SNX29: variants seen among roughly 807,000 people sequenced by gnomAD.
The protein encoded by SNX29 is sorting nexin-29.
A neutral mutation model predicts 102.1 loss-of-function variants in SNX29; 78 were observed. The ratio of observed to expected loss-of-function variants is 0.76; its 90% CI spans 0.64 to 0.92. SNX29 has a LOEUF of 0.92. Ranked by LOEUF, SNX29 falls within the 40% of genes least tolerant of loss-of-function variation. SNX29 has a pLI of 0.00. For missense variants in SNX29, 1,280 were observed against 1,061.7 expected, an observed-to-expected ratio of 1.21 and a Z score of -2.86; for synonymous variants, 580 against 414.5, an observed-to-expected ratio of 1.40 and a Z score of -4.85.
At chr16:12,069,379 C>T (rs2051187493) in intron 10 of SNX29, among the ~76,000 whole-genome samples, 1 of 151,844 alleles carries the variant, frequency 6.6e-6, no homozygotes, top group Admixed American at 6.6e-5. Flanking sequence ...GATTCTCTTG[C>T]CTGAGCCTCC....
chr16:12,565,445 C>T (rs543290591), intron 20 of SNX29, among the ~76,000 whole-genome samples: 44 of 152,266 alleles, frequency 2.9e-4, no homozygotes, highest in African/African-American at 4.8e-4. Flanking sequence ...CTCACCTGCC[C>T]CCTCCTCATC....
At chr16:12,258,907 G>A (rs375059909) in intron 14 of SNX29, among the ~76,000 whole-genome samples, 4 of 152,092 alleles carry the variant, frequency 2.6e-5, no homozygotes, top group East Asian at 1.9e-4. Context: ...AGTCTCTGTC[G>A]GAGGAGGACT....
intron 14 of SNX29, among the ~76,000 whole-genome samples, chr16:12,206,259 G>T (rs1379853270): frequency 6.6e-6 from 1 of 152,018 alleles, no homozygotes; most frequent in Non-Finnish European, 1.5e-5. Flanking sequence ...TGCCTTCAGG[G>T]ATGGTTTGAT....
intron 13 of SNX29, among the ~76,000 whole-genome samples, chr16:12,163,009 G>T (rs768500977): frequency 6.6e-6 from 1 of 152,166 alleles, no homozygotes; most frequent in Non-Finnish European, 1.5e-5. Flanking sequence ...AGCCTCCCAA[G>T]TAGCTGGGGC....
rs184769020 is a variant in SNX29 at position 12,574,045 on chromosome 16, G to C, written c.*5416G>C. Reference sequence around the variant, plus strand: ...CCACATATCTAGAGTCTGATAGTCTGTGTGTACATAAGGTCTAGAAGTCTG... The same window carrying C: ...CCACATATCTAGAGTCTGATAGTCTCTGTGTACATAAGGTCTAGAAGTCTG... On this transcript the variant is annotated 3_prime_UTR_variant, in exon 21 of 21. Transcript: ENST00000566228. The C allele has an allele frequency of 1.6e-3, 305 of 195,492 alleles. 3 individuals are homozygous for C. The highest frequency in any genetic ancestry group is 1.4e-3 in the Admixed American group (23 of 16,440). 12.1% of individuals were successfully genotyped at this position (195,492 alleles called of 1,614,324 possible). A position where few individuals can be genotyped will look rare whatever the true frequency, so the allele number is the denominator to read the frequency against.
chr16:12,364,416 C>CTTCTTTTTTTTTTTT (rs1555520124), intron 16 of SNX29, among the ~76,000 whole-genome samples: 9 of 98,796 alleles, frequency 9.1e-5, no homozygotes, highest in African/African-American at 3.0e-4. Context: ...CTCTCTTCTT[C>CTTCTTTTTTTTTTTT]TTTTTTTTTT....
intron 13 of SNX29, among the ~76,000 whole-genome samples, chr16:12,141,829 C>T (rs777363902): frequency 1.1e-4 from 17 of 152,180 alleles, no homozygotes; most frequent in Non-Finnish European, 1.9e-4. Flanking sequence ...CCTGTTTTAT[C>T]GTCATGGTCT....
At chr16:12,158,096 T>A (rs1426648633) in intron 13 of SNX29, among the ~76,000 whole-genome samples, 1 of 152,042 alleles carries the variant, frequency 6.6e-6, no homozygotes, top group Non-Finnish European at 1.5e-5. Context: ...TTTTTTTTTT[T>A]AGAGACAGTT....
intron 18 of SNX29, among the ~76,000 whole-genome samples, chr16:12,426,262 G>T (rs943467825): frequency 2.0e-5 from 3 of 152,148 alleles, no homozygotes; most frequent in Non-Finnish European, 2.9e-5. Context: ...GCTGTGGCCT[G>T]TGCTCACGCT....
intron 1 of SNX29, among the ~76,000 whole-genome samples, chr16:11,979,827 A>C (rs1356522892): frequency 1.3e-5 from 2 of 151,756 alleles, no homozygotes; most frequent in Non-Finnish European, 2.9e-5. Flanking sequence ...CATGTGATCC[A>C]CTTGTGAACT....
chr16:12,267,020 C>T (rs1477274910), intron 14 of SNX29, among the ~76,000 whole-genome samples: 2 of 152,200 alleles, frequency 1.3e-5, no homozygotes, highest in Admixed American at 6.5e-5. Flanking sequence ...GCCTCAGCCT[C>T]CCAAAGTGCT....
chr16:12,567,858 C>T (rs960162766), intron 20 of SNX29, among the ~76,000 whole-genome samples: 2 of 152,166 alleles, frequency 1.3e-5, no homozygotes, highest in African/African-American at 2.4e-5. Flanking sequence ...CTACCCTATC[C>T]CCTAAAAAAT....
intron 18 of SNX29, among the ~76,000 whole-genome samples, chr16:12,451,032 A>G (rs931395623): frequency 2.6e-5 from 4 of 152,146 alleles, no homozygotes; most frequent in African/African-American, 9.7e-5. Flanking sequence ...TCTGCACAGA[A>G]TATGCACCTT....
chr16:12,329,753 G>A (rs1047145066), intron 15 of SNX29, among the ~76,000 whole-genome samples: 2 of 152,232 alleles, frequency 1.3e-5, no homozygotes, highest in Non-Finnish European at 2.9e-5. Context: ...TTGAGGTGTT[G>A]GCACACATGC....
intron 14 of SNX29, among the ~76,000 whole-genome samples, chr16:12,271,014 G>C (rs1015709388): frequency 2.6e-5 from 4 of 152,238 alleles, no homozygotes; most frequent in African/African-American, 7.2e-5. Flanking sequence ...CTGCACTCCA[G>C]CCTGGGTAAC....
At chr16:12,222,129 T>C (rs958796048) in intron 14 of SNX29, among the ~76,000 whole-genome samples, 1 of 152,254 alleles carries the variant, frequency 6.6e-6, no homozygotes, top group African/African-American at 2.4e-5. Flanking sequence ...GTAGGTGCTA[T>C]TACGATCTTC....
intron 14 of SNX29, among the ~76,000 whole-genome samples, chr16:12,242,404 A>G (rs969289219): frequency 4.8e-5 from 7 of 147,128 alleles, no homozygotes; most frequent in Admixed American, 2.7e-4. Flanking sequence ...GTTACATTCA[A>G]TCCTCATCTT....
chr16:12,558,663 C>T (rs905170986), intron 20 of SNX29, among the ~76,000 whole-genome samples: 3 of 152,232 alleles, frequency 2.0e-5, no homozygotes, highest in Admixed American at 6.5e-5. Flanking sequence ...CCACCCAATC[C>T]TGCTGGTCCT....
intron 13 of SNX29, among the ~76,000 whole-genome samples, chr16:12,182,096 A>C (rs188895405): frequency 1.3e-5 from 2 of 151,648 alleles, no homozygotes; most frequent in Admixed American, 1.3e-4. Flanking sequence ...CATGTTGACC[A>C]GACTGGTCTT....
Sources: gnomAD v4.1 joint callset for allele counts (sites outside exome capture counted in the v4.1 genomes callset) on GRCh38, gnomAD v4.1.1 for gene constraint, MANE v1.5 for transcripts, NCBI Gene and HGNC (gene_info 2026-07-23, HGNC 2026-07-21) for gene names.